Variants in TBC1D1 observed in about 807,000 individuals in gnomAD.
TBC1D1 encodes the protein TBC1 (tre-2/USP6, BUB2, cdc16) domain family, member 1.
Under a neutral mutation model 125.6 loss-of-function variants are expected in TBC1D1, and 89 were observed. That is an observed-to-expected ratio of 0.71 (90% CI 0.60 to 0.85). The LOEUF is 0.85. TBC1D1 is among the 40% of genes least tolerant of loss of function. The pLI is 0.00. For missense variants in TBC1D1, 1,377 were observed against 1,469.2 expected (o/e 0.94, Z 1.03); for synonymous variants, 565 against 564.1 (o/e 1.00, Z -0.02).
chr4:38,017,922 G>A (rs932676832), intron 3 of TBC1D1, among the ~76,000 whole-genome samples: 7 of 152,222 alleles, frequency 4.6e-5, no homozygotes, highest in Non-Finnish European at 8.8e-5. Flanking sequence ...GGTCACTAGT[G>A]TATGTGAATG....
At chr4:38,084,972 G>A (rs1014089524) in intron 12 of TBC1D1, among the ~76,000 whole-genome samples, 3 of 152,208 alleles carry the variant, frequency 2.0e-5, no homozygotes, top group Non-Finnish European at 4.4e-5. Flanking sequence ...CAAGAAAGAA[G>A]CCCTGTATTC....
At chr4:38,008,479 A>G (rs1740802826) in intron 2 of TBC1D1, among the ~76,000 whole-genome samples, 1 of 152,308 alleles carries the variant, frequency 6.6e-6, no homozygotes, top group South Asian at 2.1e-4. Context: ...AGCTTATCCA[A>G]TTTGCCATTT....
chr4:37,958,864 A>G (rs1253365330), intron 2 of TBC1D1, among the ~76,000 whole-genome samples: 2 of 152,216 alleles, frequency 1.3e-5, no homozygotes, highest in South Asian at 4.1e-4. Context: ...TTCAATTGGA[A>G]TGCCTGCAGA....
chr4:37,967,444 G>A (rs557066302), intron 2 of TBC1D1, among the ~76,000 whole-genome samples: 2 of 151,204 alleles, frequency 1.3e-5, no homozygotes, highest in Admixed American at 6.6e-5. Context: ...GCAGTGAGCC[G>A]AGACTGCGCC....
At chr4:37,899,994 G>C (rs1181560630) in intron 1 of TBC1D1, among the ~76,000 whole-genome samples, 1 of 152,120 alleles carries the variant, frequency 6.6e-6, no homozygotes, top group East Asian at 1.9e-4. Context: ...GGTGGCAGGC[G>C]CCTGTAGTCC....
In TBC1D1 at chr4:38,095,993, TAAA is replaced by T; in HGVS notation, c.2302_2304del (p.Lys768del). 1 of 1,614,036 alleles carries T rather than the reference TAAA, an allele frequency of 6.2e-7. No homozygotes were observed. The highest frequency in any genetic ancestry group is 8.5e-7 in the Non-Finnish European group (1 of 1,179,952). ...ATTATGAAGAAATTACTCCCTGTCTTAAAGAAGTAACTACAGTGTGGGAAAAGA... is the reference window on the plus strand; with the variant it reads ...ATTATGAAGAAATTACTCCCTGTCTTGAAGTAACTACAGTGTGGGAAAAGA... On this transcript the variant is annotated inframe_deletion, in exon 14 of 20. Coordinates refer to ENST00000261439, the MANE Select transcript of TBC1D1 (RefSeq NM_015173.4).
intron 2 of TBC1D1, among the ~76,000 whole-genome samples, chr4:37,975,187 T>C (rs977074096): frequency 2.0e-5 from 3 of 152,138 alleles, no homozygotes; most frequent in African/African-American, 7.2e-5. Flanking sequence ...TAAGGTCACA[T>C]GGGTCACGTG....
At position 37,955,816 on chromosome 4, in the gene TBC1D1, T is replaced by C. The variant is rs375667813; in HGVS notation, c.417+53304T>C. Among the ~76,000 whole-genome samples, 55 of 152,220 alleles carry C rather than the reference T, an allele frequency of 3.6e-4. No homozygotes were observed. In the East Asian group the frequency reaches 8.5e-3, roughly 24 times the overall value. On this transcript the variant is annotated intron_variant, in intron 2 of 19. Coordinates refer to ENST00000261439, the MANE Select transcript of TBC1D1 (RefSeq NM_015173.4). ...TTACCTCAAAGTTTACACTTTTCAT[T>C]TTTCTATTATGCATATAGATTATAA...
Position 38,125,000 on chromosome 4 carries a change from G to A in TBC1D1, c.3001G>A (p.Val1001Met). The A allele has an allele frequency of 1.2e-6, 2 of 1,614,072 alleles. No individual in the cohort carries two copies. The highest frequency in any genetic ancestry group is 1.7e-6 in the Non-Finnish European group (2 of 1,179,994). ...TCAGGGAACAGAGGTCATATTTAAAGTGGCTTTAAGTCTGTTGGGAAGCCA... is the reference window on the plus strand; with the variant it reads ...TCAGGGAACAGAGGTCATATTTAAAATGGCTTTAAGTCTGTTGGGAAGCCA... The change falls in exon 18 of 20, where the codon GTG becomes ATG. Residue 1001 changes from valine to methionine, a missense_variant. Physicochemically the swap from Val to Met is conservative, Grantham distance 21. Transcript: ENST00000261439.
intron 2 of TBC1D1, among the ~76,000 whole-genome samples, chr4:37,924,873 C>A (rs1721734828): frequency 6.6e-6 from 1 of 152,196 alleles, no homozygotes; most frequent in African/African-American, 2.4e-5. Context: ...GCTTTCAATT[C>A]TTTTGGGTAC....
At position 38,014,421 on chromosome 4, in the gene TBC1D1, G is replaced by C; in HGVS notation, c.418-88G>C. On this transcript the variant is annotated intron_variant, in intron 2 of 19. Coordinates refer to ENST00000261439, the MANE Select transcript of TBC1D1 (RefSeq NM_015173.4). This position sits in a 1 kb window ranked among gnomAD's most constrained non-coding sequence, Gnocchi z 5.1. ...AGTGCTCCGCAGTGGAGTAGCCAGC[G>C]GGGCGTCCCGAAAGAGCATGGTGCA... is the stretch of plus-strand genomic sequence containing the variant. 8 of 1,341,052 alleles carry C rather than the reference G, an allele frequency of 6.0e-6. No individual in the cohort carries two copies. Among genetic ancestry groups the C allele is most frequent in the Non-Finnish European group, 7.3e-6 (7 of 959,130 alleles). The allele number at this position is 1,341,052 out of a possible 1,614,324, so 83.1% of individuals were successfully genotyped here.
chr4:38,013,013 T>C (rs1460326526), intron 2 of TBC1D1, among the ~76,000 whole-genome samples: 1 of 152,018 alleles, frequency 6.6e-6, no homozygotes, highest in Non-Finnish European at 1.5e-5. Flanking sequence ...CAGGCTGGTC[T>C]CAACCTCCTG....
intron 2 of TBC1D1, among the ~76,000 whole-genome samples, chr4:37,986,072 C>T (rs897050333): frequency 6.6e-6 from 1 of 152,206 alleles, no homozygotes; most frequent in African/African-American, 2.4e-5. Context: ...ATAAATTACT[C>T]AGACCTTTTC....
intron 17 of TBC1D1, chr4:38,118,487 G>T (rs1190232862): frequency 2.6e-5 from 8 of 303,144 alleles, no homozygotes; most frequent in African/African-American, 1.7e-4. Flanking sequence ...TGGAGGACTT[G>T]GCTGAGGAGC....
chr4:38,063,829 A>C (rs555220728), intron 12 of TBC1D1, among the ~76,000 whole-genome samples: 1 of 152,238 alleles, frequency 6.6e-6, no homozygotes, highest in East Asian at 1.9e-4. Context: ...GGGTTTCACC[A>C]TGTTGGCCAG....
Position 38,133,263 on chromosome 4 carries a change from G to C in TBC1D1, c.3306+6G>C, listed in dbSNP as rs768939555. The C allele has an allele frequency of 3.1e-6, 5 of 1,607,646 alleles. No individual in the cohort carries two copies. In the African/African-American group the frequency reaches 6.7e-5, roughly 22 times the overall value. ...ACCTCCTTGAACAGTTGCAGGTAGAGCATATTTATAAAGCAGCTTCCTGAA... is the reference window on the plus strand; with the variant it reads ...ACCTCCTTGAACAGTTGCAGGTAGACCATATTTATAAAGCAGCTTCCTGAA... On this transcript the variant is annotated splice_donor_region_variant and intron_variant, in intron 19 of 19. Transcript: ENST00000261439.
At position 38,125,079 on chromosome 4, in the gene TBC1D1, A is replaced by G. The variant is rs764754624; in HGVS notation, c.3080A>G (p.Lys1027Arg). The G allele has an allele frequency of 4.3e-6, 7 of 1,614,006 alleles. No individual in the cohort carries two copies. The highest frequency in any genetic ancestry group is 2.7e-5 in the African/African-American group (2 of 74,900). The change falls in exon 18 of 20, where the codon AAA becomes AGA. Residue 1027 changes from lysine to arginine, a missense_variant. Lys to Arg is a conservative substitution (Grantham distance 26). Transcript: ENST00000261439. ...CTAGAAACCATAGTTGACTTTATAA[A>G]AAGCACGCTACCCAACCTTGGCTTG...
chr4:37,941,434 C>T (rs189962242), intron 2 of TBC1D1, among the ~76,000 whole-genome samples: 1 of 152,192 alleles, frequency 6.6e-6, no homozygotes, highest in East Asian at 1.9e-4. Flanking sequence ...ATTAGTCTTG[C>T]TAGCGGTCTA....
In TBC1D1 at chr4:38,056,606, C is replaced by T. The variant is rs538428358; in HGVS notation, c.2050+2268C>T. The stretch of plus-strand genomic sequence containing the variant: ...GGAGGATCCCTGGAGGCCAGGAGTT[C>T]GAGGCCACCCTTGGCAACATAGTGA... On this transcript the variant is annotated intron_variant, in intron 12 of 19. Coordinates refer to ENST00000261439, the MANE Select transcript of TBC1D1 (RefSeq NM_015173.4). 3.3e-5 allele frequency among the ~76,000 whole-genome samples: 5 copies of T among 152,202 alleles called. No homozygotes were observed. In the East Asian group the frequency reaches 5.8e-4, roughly 18 times the overall value.
Sources: gnomAD v4.1 joint callset for allele counts (sites outside exome capture counted in the v4.1 genomes callset) on GRCh38, gnomAD v4.1.1 for gene constraint, Gnocchi (gnomAD v3.1) non-coding constraint, MANE v1.5 for transcripts, NCBI Gene and HGNC (gene_info 2026-07-23, HGNC 2026-07-21) for gene names.